MYO16: variants seen among roughly 807,000 people sequenced by gnomAD.
The protein encoded by MYO16 is unconventional myosin-XVI.
Under a neutral mutation model 205.3 loss-of-function variants are expected in MYO16, and 94 were observed. That is an observed-to-expected ratio of 0.46 (90% CI 0.39 to 0.54). The LOEUF is 0.54. Among genes scored for constraint, MYO16 ranks in the 20% least tolerant of loss-of-function variants. The pLI is 0.00. For synonymous variants in MYO16, 988 were observed against 954.0 expected, an observed-to-expected ratio of 1.04 and a Z score of -0.66; for missense variants, 2,315 against 2,387.5, an observed-to-expected ratio of 0.97 and a Z score of 0.63.
In MYO16 at chr13:108,778,909, T is replaced by A. The variant is rs550844983; in HGVS notation, c.508-6726T>A. The stretch of plus-strand genomic sequence containing the variant: ...TATGGTTAAAGGACTTGGCCTTGGC[T>A]TATCTGTTGTTTGTTTGTTTGTTTG... On this transcript the variant is annotated intron_variant, in intron 4 of 34. Transcript: ENST00000457511. 2.6e-5 allele frequency among the ~76,000 whole-genome samples: 4 copies of A among 151,704 alleles called. No homozygotes were observed. The South Asian group carries it at 8.5e-4, about 32-fold the overall frequency.
At chr13:108,641,107 A>G (rs1880484513) in intron 1 of MYO16, among the ~76,000 whole-genome samples, 1 of 152,214 alleles carries the variant, frequency 6.6e-6, no homozygotes, top group African/African-American at 2.4e-5. Context: ...TCAATATGTC[A>G]TCTCCACATA....
At chr13:109,026,158 C>T (rs1368746241) in intron 23 of MYO16, among the ~76,000 whole-genome samples, 3 of 152,178 alleles carry the variant, frequency 2.0e-5, no homozygotes, top group Non-Finnish European at 4.4e-5. Flanking sequence ...ATGGGCTGAA[C>T]GGGAGCCCTC....
chr13:108,659,055 C>G (rs542703994), intron 1 of MYO16, among the ~76,000 whole-genome samples: 3 of 150,786 alleles, frequency 2.0e-5, no homozygotes, highest in Admixed American at 6.6e-5. Context: ...AATAAATTTA[C>G]ATATTCTTTT....
intron 4 of MYO16, among the ~76,000 whole-genome samples, chr13:108,784,932 T>C (rs1408908018): frequency 1.3e-5 from 2 of 152,096 alleles, no homozygotes; most frequent in Non-Finnish European, 2.9e-5. Flanking sequence ...TGCAAGCAAA[T>C]CTACCATTGT....
chr13:108,812,459 T>G (rs931528068), intron 7 of MYO16, among the ~76,000 whole-genome samples: 8 of 152,152 alleles, frequency 5.3e-5, no homozygotes, highest in Admixed American at 6.5e-5. Context: ...GTGTGAGCAG[T>G]AGGTGAGTGC....
chr13:108,881,818 G>A (rs1160616140), intron 12 of MYO16, among the ~76,000 whole-genome samples: 1 of 152,200 alleles, frequency 6.6e-6, no homozygotes, highest in African/African-American at 2.4e-5. Context: ...ATCTATGTCT[G>A]ACTGGTGTAC....
the MYO16 span, among the ~76,000 whole-genome samples, chr13:108,546,221 G>C: frequency 3.3e-5 from 5 of 152,198 alleles, no homozygotes; most frequent in Admixed American, 6.5e-5. Context: ...GGGGTTTCCA[G>C]AGACGTCAAT....
chr13:109,154,101 GAGA>G (rs1438522241), intron 32 of MYO16, among the ~76,000 whole-genome samples: 1 of 152,228 alleles, frequency 6.6e-6, no homozygotes. Context: ...CCAGAATTTC[GAGA>G]AGAATTTGAA....
chr13:108,613,267 G>A (rs1879239985), intron 1 of MYO16, among the ~76,000 whole-genome samples: 1 of 152,124 alleles, frequency 6.6e-6, no homozygotes, highest in Non-Finnish European at 1.5e-5. Context: ...TTGACATTCT[G>A]TCTGCCTGTA....
intron 16 of MYO16, among the ~76,000 whole-genome samples, chr13:108,929,801 A>G (rs1026472058): frequency 2.0e-5 from 3 of 152,220 alleles, no homozygotes; most frequent in African/African-American, 7.2e-5. Context: ...TGCATTAAAA[A>G]AAAATGTACT....
In MYO16 at chr13:109,033,291, A is replaced by G. The variant is rs115445892; in HGVS notation, c.2796+13380A>G. Among the ~76,000 whole-genome samples the G allele has an allele frequency of 4.0e-3, 602 of 152,178 alleles. 2 individuals are homozygous for G. Among genetic ancestry groups the G allele is most frequent in the African/African-American group, 0.014 (572 of 41,526 alleles). ...AGACCCATTAGGCTCTGTGCACAATACTCATTTTGCAGCTCAGACGGCTTC... is the reference window on the plus strand; with the variant it reads ...AGACCCATTAGGCTCTGTGCACAATGCTCATTTTGCAGCTCAGACGGCTTC... On this transcript the variant is annotated intron_variant, in intron 23 of 34. Coordinates refer to ENST00000457511, the MANE Select transcript of MYO16 (RefSeq NM_001198950.3).
intron 20 of MYO16, among the ~76,000 whole-genome samples, chr13:108,977,009 G>A (rs551971126): frequency 9.9e-5 from 15 of 152,214 alleles, no homozygotes; most frequent in African/African-American, 3.6e-4. Flanking sequence ...CCTCCCCAGA[G>A]ACAACAATAT....
Position 109,125,187 on chromosome 13 carries a change from A to G in MYO16, c.3611A>G (p.Asn1204Ser), listed in dbSNP as rs148131266. 53 of 1,614,056 alleles carry G rather than the reference A, an allele frequency of 3.3e-5. No homozygotes were observed. In the African/African-American group the frequency reaches 3.6e-4, roughly 11 times the overall value. The change falls in exon 30 of 35, where the codon AAT becomes AGT. Residue 1204 changes from asparagine (N) to serine (S), a missense_variant. This residue lies in a region of MYO16 where 1,097 missense variants were observed against 1,092.0 expected (regional missense o/e 1.00). Coordinates refer to ENST00000457511, the MANE Select transcript of MYO16 (RefSeq NM_001198950.3). This position sits in a 1 kb window ranked among gnomAD's most constrained non-coding sequence, Gnocchi z 4.0. ...AGACAACAAGAGGTGACTTCTATCA[A>G]TAGCTTTCTGCAGAACACAGAGGAC... is the stretch of plus-strand genomic sequence containing the variant. ...SIRQQEVTSI[N>S]SFLQNTEDMG...
chr13:108,873,516 C>A (rs2139143310), intron 12 of MYO16, among the ~76,000 whole-genome samples: 1 of 152,388 alleles, frequency 6.6e-6, no homozygotes, highest in Non-Finnish European at 1.5e-5. Context: ...CACAGCAGTG[C>A]TGATCTGACA....
chr13:108,797,886 T>C (rs7332822), intron 6 of MYO16, among the ~76,000 whole-genome samples: 61,859 of 152,090 alleles, frequency 0.41, 12,783 homozygotes, highest in Middle Eastern at 0.5. Context: ...GCTATTGAAG[T>C]AATCAATACA....
At chr13:108,955,282 T>G (rs1883305719) in intron 16 of MYO16, among the ~76,000 whole-genome samples, 1 of 152,146 alleles carries the variant, frequency 6.6e-6, no homozygotes, top group African/African-American at 2.4e-5. Context: ...CTCTTCAGGA[T>G]TTTCCGCAGC....
At chr13:109,006,788 G>A (rs796078403) in intron 21 of MYO16, among the ~76,000 whole-genome samples, 1 of 152,090 alleles carries the variant, frequency 6.6e-6, no homozygotes, top group Non-Finnish European at 1.5e-5. Context: ...GTGCAGATGA[G>A]GGAACATAAA....
intron 12 of MYO16, among the ~76,000 whole-genome samples, chr13:108,873,463 A>G (rs1879162435): frequency 1.3e-5 from 2 of 152,384 alleles, no homozygotes; most frequent in East Asian, 3.9e-4. Flanking sequence ...ACTGATGTCT[A>G]CACAAGGCGG....
At chr13:108,795,187 T>G (rs1031155875) in intron 6 of MYO16, among the ~76,000 whole-genome samples, 2 of 99,348 alleles carry the variant, frequency 2.0e-5, no homozygotes, top group African/African-American at 6.6e-5. Flanking sequence ...AAAATTTCCC[T>G]TTTCTTACTT....
Sources: gnomAD v4.1 joint callset for allele counts (sites outside exome capture counted in the v4.1 genomes callset) on GRCh38, gnomAD v4.1.1 for gene constraint, gnomAD v4.1.1 regional missense constraint, Gnocchi (gnomAD v3.1) non-coding constraint, MANE v1.5 for transcripts, NCBI Gene and HGNC (gene_info 2026-07-23, HGNC 2026-07-21) for gene names.